The following MAGI1 variants were observed in gnomAD, a reference collection of about 807,000 sequenced individuals.
MAGI1 encodes membrane associated guanylate kinase, WW and PDZ domain containing 1.
MAGI1 carries 58 observed loss-of-function variants against 139.9 expected under a neutral mutation model. The ratio of observed to expected loss-of-function variants is 0.41; its 90% CI spans 0.34 to 0.52. The LOEUF (loss-of-function observed/expected upper bound fraction) is 0.52. Ranked by LOEUF, MAGI1 falls within the 20% of genes least tolerant of loss-of-function variation. The pLI, the probability that MAGI1 is intolerant of heterozygous loss-of-function variation, is 0.12. For synonymous variants in MAGI1, 812 were observed against 737.9 expected, an observed-to-expected ratio of 1.10 and a Z score of -1.63; for missense variants, 1,874 against 1,901.6, an observed-to-expected ratio of 0.99 and a Z score of 0.27.
chr3:65,530,722 TAC>T lies in MAGI1; in HGVS notation c.431-37093_431-37092del, dbSNP rs1351779357. On this transcript the variant is annotated intron_variant, in intron 2 of 22. Coordinates refer to ENST00000402939, the MANE Select transcript of MAGI1 (RefSeq NM_001033057.2). ...ATACACATATACACGTGTATATATA[TAC>T]ACACGTATATATATATGCACATATA... 4.6e-3 allele frequency among the ~76,000 whole-genome samples: 628 copies of T among 135,384 alleles called. 18 individuals are homozygous for T. Among genetic ancestry groups the T allele is most frequent in the Middle Eastern group, 0.019 (5 of 268 alleles). The allele number at this position is 135,384 out of a possible 152,430, so 88.8% of individuals were successfully genotyped here. A position where few individuals can be genotyped will look rare whatever the true frequency, so the allele number is the denominator to read the frequency against.
chr3:65,849,150 A>C (rs1258732587), intron 1 of MAGI1, among the ~76,000 whole-genome samples: 2 of 150,264 alleles, frequency 1.3e-5, no homozygotes, highest in South Asian at 2.1e-4. Context: ...CAGCCTCCCG[A>C]GTAGCTGGGA....
chr3:65,530,316 C>T (rs940698381), intron 2 of MAGI1, among the ~76,000 whole-genome samples: 2 of 152,086 alleles, frequency 1.3e-5, no homozygotes, highest in Non-Finnish European at 2.9e-5. Context: ...CACTCCTTTT[C>T]TCCATCACAA....
intron 1 of MAGI1, among the ~76,000 whole-genome samples, chr3:65,886,280 A>G (rs2060528376): frequency 6.6e-6 from 1 of 152,214 alleles, no homozygotes; most frequent in Admixed American, 6.5e-5. Flanking sequence ...TTTGACAGTC[A>G]AACTGCATAA....
chr3:65,565,856 CA>C lies in MAGI1; in HGVS notation c.430+56115del, dbSNP rs766254957. 4.5e-3 allele frequency among the ~76,000 whole-genome samples: 425 copies of C among 93,932 alleles called. 2 individuals are homozygous for C. The highest frequency in any genetic ancestry group is 0.014 in the African/African-American group (305 of 21,564). 61.6% of individuals were successfully genotyped at this position (93,932 alleles called of 152,430 possible). A position where few individuals can be genotyped will look rare whatever the true frequency, so the allele number is the denominator to read the frequency against. On this transcript the variant is annotated intron_variant, in intron 2 of 22. Transcript: ENST00000402939. ...TGGGCGACAGGGCGAGACTCCGTGTCAAAAAAAAAAAAAAAAAAGAAACATT... is the reference window on the plus strand; with the variant it reads ...TGGGCGACAGGGCGAGACTCCGTGTCAAAAAAAAAAAAAAAAAGAAACATT...
At chr3:65,424,322 T>A (rs34663554) in intron 12 of MAGI1, among the ~76,000 whole-genome samples, 47,988 of 151,518 alleles carry the variant, frequency 0.32, 10,155 homozygotes, top group Non-Finnish European at 0.46. Flanking sequence ...CCATTGTGAC[T>A]GGTGGATCAA....
intron 1 of MAGI1, among the ~76,000 whole-genome samples, chr3:65,942,939 T>A (rs770566378): frequency 3.8e-4 from 58 of 152,108 alleles, no homozygotes; most frequent in Non-Finnish European, 6.9e-4. Context: ...GAGAATCCCT[T>A]GAACTCGGGA....
At chr3:65,796,393 G>C (rs1041783854) in intron 1 of MAGI1, among the ~76,000 whole-genome samples, 1 of 152,152 alleles carries the variant, frequency 6.6e-6, no homozygotes, top group African/African-American at 2.4e-5. Flanking sequence ...GCGACATCCA[G>C]ACTGGTGTTT....
Position 66,032,392 on chromosome 3 carries a change from T to G in MAGI1, c.313+5604A>C, listed in dbSNP as rs572936220. On this transcript the variant is annotated intron_variant, in intron 1 of 22. Transcript: ENST00000402939. ...CGCCCGGCTAATTTTTTTGTTTTTTTTTTTTTTTTAGTAGAGACAGGGTTT... is the reference window on the plus strand; with the variant it reads ...CGCCCGGCTAATTTTTTTGTTTTTTGTTTTTTTTTAGTAGAGACAGGGTTT... Among the ~76,000 whole-genome samples the G allele has an allele frequency of 1.2e-4, 17 of 147,068 alleles. 4 individuals carry two copies. In the East Asian group the frequency reaches 3.4e-3, roughly 30 times the overall value.
chr3:65,855,558 G>A (rs987550153), intron 1 of MAGI1, among the ~76,000 whole-genome samples: 1 of 114,504 alleles, frequency 8.7e-6, no homozygotes, highest in Non-Finnish European at 1.8e-5. Context: ...GCAATGATGA[G>A]ACCACTGCAT....
At chr3:65,625,479 C>A (rs906511897) in intron 1 of MAGI1, among the ~76,000 whole-genome samples, 1 of 152,108 alleles carries the variant, frequency 6.6e-6, no homozygotes, top group East Asian at 1.9e-4. Flanking sequence ...GCTGGTGAGT[C>A]TGAGAACAGG....
intron 9 of MAGI1, among the ~76,000 whole-genome samples, chr3:65,438,802 T>G (rs1016729108): frequency 6.6e-6 from 1 of 152,244 alleles, no homozygotes; most frequent in African/African-American, 2.4e-5. Context: ...CCCATAAAGT[T>G]TTATTTGAAC....
At chr3:65,413,106 T>C (rs1219039438) in intron 12 of MAGI1, among the ~76,000 whole-genome samples, 1 of 152,192 alleles carries the variant, frequency 6.6e-6, no homozygotes, top group Non-Finnish European at 1.5e-5. Flanking sequence ...CAGATCCTTT[T>C]CTTAGGGCAA....
At position 65,375,797 on chromosome 3, in the gene MAGI1, G is replaced by A. The variant is rs758449858; in HGVS notation, c.3144C>T (p.Asn1048=). ...CTGTGTTTCCCGCTTCCTTGATTAG[G>A]TTCACAATGTCTGAATGGGATTTGT... is the stretch of plus-strand genomic sequence containing the variant. ...ITNKSHSDIV[N]LIKEAGNTVT... Residue 1048 remains asparagine (N), a synonymous_variant, in exon 18 of 23, where the codon AAC becomes AAT. Coordinates refer to ENST00000402939, the MANE Select transcript of MAGI1 (RefSeq NM_001033057.2). 5 of 1,613,930 alleles carry A rather than the reference G, an allele frequency of 3.1e-6. No homozygotes were observed. The African/African-American group carries it at 5.3e-5, about 17-fold the overall frequency.
chr3:65,629,921 A>T (rs1421653968), intron 1 of MAGI1, among the ~76,000 whole-genome samples: 1 of 152,202 alleles, frequency 6.6e-6, no homozygotes, highest in Admixed American at 6.5e-5. Context: ...TAAGAAAGGG[A>T]AAAATGGTCA....
In MAGI1 at chr3:65,866,173, A is replaced by C. The variant is rs532891329; in HGVS notation, c.313+171823T>G. Among the ~76,000 whole-genome samples, 4 of 151,426 alleles carry C rather than the reference A, an allele frequency of 2.6e-5. No homozygotes were observed. In the South Asian group the frequency reaches 8.3e-4, roughly 31 times the overall value. ...AAATATATACTACGTATAAAGAATA[A>C]CTGTGGCTGGGGGAATTGTTGGTAT... is the stretch of plus-strand genomic sequence containing the variant. On this transcript the variant is annotated intron_variant, in intron 1 of 22. Coordinates refer to ENST00000402939, the MANE Select transcript of MAGI1 (RefSeq NM_001033057.2).
intron 1 of MAGI1, among the ~76,000 whole-genome samples, chr3:65,845,649 T>G (rs772467298): frequency 1.7e-4 from 26 of 152,178 alleles, no homozygotes; most frequent in Non-Finnish European, 2.8e-4. Flanking sequence ...CTGCACCAAT[T>G]TCATGTCTTT....
At chr3:65,457,037 T>C (rs1163141830) in intron 5 of MAGI1, among the ~76,000 whole-genome samples, 1 of 152,178 alleles carries the variant, frequency 6.6e-6, no homozygotes, top group African/African-American at 2.4e-5. Context: ...CTCTTTCCTT[T>C]GCCTTTCCAT....
At chr3:65,629,858 G>A (rs907934314) in intron 1 of MAGI1, among the ~76,000 whole-genome samples, 6 of 136,982 alleles carry the variant, frequency 4.4e-5, no homozygotes, top group Admixed American at 1.4e-4. Flanking sequence ...AATGGATGGC[G>A]GTGACGGATG....
intron 1 of MAGI1, among the ~76,000 whole-genome samples, chr3:65,680,768 G>GATATT (rs1440381819): frequency 2.2e-5 from 3 of 133,774 alleles, no homozygotes; most frequent in South Asian, 2.1e-4. Flanking sequence ...ATAATGATAT[G>GATATT]ATATGATATG....
Sources: allele counts gnomAD v4.1 joint callset (sites outside exome capture counted in the v4.1 genomes callset), GRCh38; gene constraint gnomAD v4.1.1; transcripts MANE v1.5; gene names NCBI Gene and HGNC (gene_info 2026-07-23, HGNC 2026-07-21).